The following PTPRD variants were observed in gnomAD, a reference collection of about 807,000 sequenced individuals.
PTPRD encodes protein tyrosine phosphatase receptor type D.
PTPRD carries 34 observed loss-of-function variants against 214.5 expected under a neutral mutation model. That is an observed-to-expected ratio of 0.16 (90% CI 0.12 to 0.21). The LOEUF (loss-of-function observed/expected upper bound fraction) is 0.21, where lower values mean the gene tolerates loss of function less well. Ranked by LOEUF, PTPRD falls within the 10% of genes least tolerant of loss-of-function variation. PTPRD has a pLI of 1.00. For synonymous variants in PTPRD, 1,128 were observed against 845.7 expected (o/e 1.33, Z -5.79); for missense variants, 2,545 against 2,398.7 (o/e 1.06, Z -1.27).
chr9:9,878,012 T>C (rs1240985993), intron 5 of PTPRD, among the ~76,000 whole-genome samples: 7 of 149,956 alleles, frequency 4.7e-5, no homozygotes, highest in African/African-American at 1.7e-4. Context: ...TTTGCCCTTC[T>C]CACTATATCC....
In PTPRD at chr9:9,574,369, T is replaced by C. The variant is rs536760436; in HGVS notation, c.-237+363A>G. ...AATTTTGATACATCTTGACAGGTGATAAAATAAGTTTTACTTTCAATAACT... is the reference window on the plus strand; with the variant it reads ...AATTTTGATACATCTTGACAGGTGACAAAATAAGTTTTACTTTCAATAACT... On this transcript the variant is annotated intron_variant, in intron 8 of 45. Transcript: ENST00000381196. Among the ~76,000 whole-genome samples, 18 of 152,102 alleles carry C rather than the reference T, an allele frequency of 1.2e-4. 1 individual carries two copies. In the South Asian group the frequency reaches 1.2e-3, roughly 10 times the overall value.
intron 4 of PTPRD, among the ~76,000 whole-genome samples, chr9:9,947,608 T>TTA (rs35525642): frequency 1.0e-4 from 6 of 59,058 alleles, no homozygotes; most frequent in Admixed American, 1.0e-3. Flanking sequence ...TATATATATT[T>TTA]TATATATATA....
At chr9:9,021,789 G>GA (rs1281814961) in intron 10 of PTPRD, among the ~76,000 whole-genome samples, 13 of 151,962 alleles carry the variant, frequency 8.6e-5, no homozygotes, top group Admixed American at 5.2e-4. Context: ...AATTTAAAAA[G>GA]AAAAAATGTA....
At chr9:8,619,273 G>A (rs1004730515) in intron 14 of PTPRD, among the ~76,000 whole-genome samples, 4 of 151,880 alleles carry the variant, frequency 2.6e-5, no homozygotes, top group Admixed American at 6.6e-5. Flanking sequence ...TAGTCACCAT[G>A]TTCTACAACA....
chr9:10,324,169 A>G (rs1353126408), intron 3 of PTPRD, among the ~76,000 whole-genome samples: 1 of 152,038 alleles, frequency 6.6e-6, no homozygotes, highest in African/African-American at 2.4e-5. Flanking sequence ...GCTCTTCTCT[A>G]AAGAGAGGGA....
rs761652341 is a variant in PTPRD at position 8,341,957 on chromosome 9, A to C, written c.4683T>G (p.Gly1561=). The change falls in exon 40 of 46, where the codon GGT becomes GGG. Residue 1561 remains glycine (G), a synonymous_variant. Coordinates refer to ENST00000381196, the MANE Select transcript of PTPRD (RefSeq NM_002839.4). ...VHCSAGVGRT[G]CFIVIDAMLE... is the part of the protein sequence containing the mutation. ...ACATGGCATCTATGACGATGAAGCA[A>C]CCAGTCCGGCCAACTCCCGCACTAT... The C allele has an allele frequency of 6.2e-7, 1 of 1,611,960 alleles. No homozygotes were observed. The highest frequency in any genetic ancestry group is 8.5e-7 in the Non-Finnish European group (1 of 1,179,050).
chr9:10,559,719 A>G (rs1470192485), intron 2 of PTPRD, among the ~76,000 whole-genome samples: 1 of 152,126 alleles, frequency 6.6e-6, no homozygotes, highest in Non-Finnish European at 1.5e-5. Context: ...GAAGAAAAAA[A>G]CAAACAACCC....
chr9:9,513,815 T>C (rs532147345), intron 8 of PTPRD, among the ~76,000 whole-genome samples: 23 of 152,172 alleles, frequency 1.5e-4, no homozygotes, highest in African/African-American at 5.5e-4. Flanking sequence ...GCAAAACTCT[T>C]GTTTATTAGG....
chr9:10,134,977 C>T (rs1381773356), intron 3 of PTPRD, among the ~76,000 whole-genome samples: 1 of 152,024 alleles, frequency 6.6e-6, no homozygotes, highest in African/African-American at 2.4e-5. Context: ...TCAAACGAAT[C>T]CAGGAAAACG....
chr9:9,790,261 G>T (rs2098958057), intron 5 of PTPRD, among the ~76,000 whole-genome samples: 1 of 152,090 alleles, frequency 6.6e-6, no homozygotes, highest in South Asian at 2.1e-4. Context: ...TCTTAAATGA[G>T]AAAAAATATG....
At chr9:8,327,624 T>C (rs76165444) in intron 44 of PTPRD, among the ~76,000 whole-genome samples, 1 of 152,156 alleles carries the variant, frequency 6.6e-6, no homozygotes. Flanking sequence ...CTGTCTAATA[T>C]TGACAGTGGG....
chr9:9,623,889 G>A (rs1200976168), intron 7 of PTPRD, among the ~76,000 whole-genome samples: 1 of 152,090 alleles, frequency 6.6e-6, no homozygotes, highest in East Asian at 1.9e-4. Flanking sequence ...CTCTTAGATT[G>A]CCCAAAACTA....
intron 8 of PTPRD, among the ~76,000 whole-genome samples, chr9:9,566,904 A>T (rs548896854): frequency 6.6e-6 from 1 of 152,208 alleles, no homozygotes; most frequent in Admixed American, 6.6e-5. Flanking sequence ...GCCCAGGCAC[A>T]TACTCTAGCA....
intron 5 of PTPRD, among the ~76,000 whole-genome samples, chr9:9,771,145 A>G (rs569966076): frequency 2.0e-4 from 30 of 152,256 alleles, no homozygotes; most frequent in Middle Eastern, 3.4e-3. Context: ...AAGTTGCTCA[A>G]GATTATGTTC....
chr9:8,431,277 G>C (rs2095033473), intron 35 of PTPRD, among the ~76,000 whole-genome samples: 1 of 152,020 alleles, frequency 6.6e-6, no homozygotes, highest in Non-Finnish European at 1.5e-5. Flanking sequence ...TGTTTTCTGT[G>C]CGTGGGTGAG....
At chr9:8,351,512 A>C (rs1378920233) in intron 39 of PTPRD, among the ~76,000 whole-genome samples, 1 of 151,968 alleles carries the variant, frequency 6.6e-6, no homozygotes, top group Non-Finnish European at 1.5e-5. Flanking sequence ...TTACAGTTCA[A>C]TAAAGAGTTG....
chr9:9,066,897 A>G (rs2099735432), intron 10 of PTPRD, among the ~76,000 whole-genome samples: 1 of 152,172 alleles, frequency 6.6e-6, no homozygotes, highest in East Asian at 1.9e-4. Flanking sequence ...CTGTGAGAGA[A>G]TAAATTTCTG....
chr9:10,410,741 T>G (rs1312009827), intron 2 of PTPRD, among the ~76,000 whole-genome samples: 3 of 151,740 alleles, frequency 2.0e-5, no homozygotes, highest in East Asian at 3.9e-4. Context: ...TCTTAACAAG[T>G]GTGATCAATA....
chr9:9,918,449 T>C (rs576426646), intron 5 of PTPRD, among the ~76,000 whole-genome samples: 403 of 150,908 alleles, frequency 2.7e-3, no homozygotes, highest in African/African-American at 9.4e-3. Flanking sequence ...TGCTCATGGA[T>C]TAGAAGAATA....
Sources: allele counts gnomAD v4.1 joint callset (sites outside exome capture counted in the v4.1 genomes callset), GRCh38; gene constraint gnomAD v4.1.1; transcripts MANE v1.5; gene names NCBI Gene and HGNC (gene_info 2026-07-23, HGNC 2026-07-21).